IMMP2L: variants seen among roughly 807,000 people sequenced by gnomAD.
IMMP2L encodes mitochondrial inner membrane protease subunit 2.
In IMMP2L, 18 loss-of-function variants were observed where a neutral mutation model predicts 19.3. That is an observed-to-expected ratio of 0.93 (90% CI 0.64 to 1.38). IMMP2L has a LOEUF of 1.38. Among genes scored for constraint, IMMP2L ranks in the 40% most tolerant of loss-of-function variants. IMMP2L has a pLI of 0.00. For missense variants in IMMP2L, 233 were observed against 218.2 expected (o/e 1.07, Z -0.43); for synonymous variants, 76 against 73.0 (o/e 1.04, Z -0.21).
intron 4 of IMMP2L, among the ~76,000 whole-genome samples, chr7:110,947,100 C>T (rs967378338): frequency 6.6e-6 from 1 of 152,118 alleles, no homozygotes; most frequent in Non-Finnish European, 1.5e-5. Flanking sequence ...ATAAAATATT[C>T]ATTCTTTTAG....
At chr7:111,120,508 G>A (rs1023106457) in intron 3 of IMMP2L, among the ~76,000 whole-genome samples, 5 of 152,074 alleles carry the variant, frequency 3.3e-5, no homozygotes, top group Admixed American at 1.3e-4. Flanking sequence ...GGGAATTATC[G>A]GAGCTACAAT....
intron 4 of IMMP2L, among the ~76,000 whole-genome samples, chr7:110,933,096 T>A (rs575109536): frequency 6.6e-6 from 1 of 152,286 alleles, no homozygotes; most frequent in African/African-American, 2.4e-5. Flanking sequence ...TCATGTACAG[T>A]TAAGTATTCA....
At chr7:110,941,284 C>T (rs564422362) in intron 4 of IMMP2L, among the ~76,000 whole-genome samples, 1 of 152,238 alleles carries the variant, frequency 6.6e-6, no homozygotes, top group South Asian at 2.1e-4. Flanking sequence ...AAGTAACATG[C>T]CATATAACTT....
At chr7:111,453,602 A>G (rs1385003166) in intron 3 of IMMP2L, among the ~76,000 whole-genome samples, 1 of 152,206 alleles carries the variant, frequency 6.6e-6, no homozygotes, top group Non-Finnish European at 1.5e-5. Context: ...ACATGCTACC[A>G]ATAGAAGAGG....
At chr7:111,389,628 T>C (rs1456571343) in intron 3 of IMMP2L, among the ~76,000 whole-genome samples, 2 of 152,004 alleles carry the variant, frequency 1.3e-5, no homozygotes, top group Non-Finnish European at 2.9e-5. Flanking sequence ...AAAGCAACTA[T>C]AATAAAATTT....
intron 3 of IMMP2L, among the ~76,000 whole-genome samples, chr7:111,388,774 C>A (rs1477979399): frequency 6.6e-6 from 1 of 152,004 alleles, no homozygotes; most frequent in South Asian, 2.1e-4. Flanking sequence ...AGACCGGCCC[C>A]CATGATTCAA....
At chr7:111,203,537 GC>G (rs1451834647) in intron 3 of IMMP2L, among the ~76,000 whole-genome samples, 1 of 148,666 alleles carries the variant, frequency 6.7e-6, no homozygotes, top group Non-Finnish European at 1.5e-5. Flanking sequence ...GGAAAGAGTA[GC>G]CTAGGGTAAT....
Position 111,235,651 on chromosome 7 carries a change from T to A in IMMP2L, c.239+251587A>T, listed in dbSNP as rs140799042. Among the ~76,000 whole-genome samples, 467 of 152,166 alleles carry A rather than the reference T, an allele frequency of 3.1e-3. 2 individuals carry two copies. Among genetic ancestry groups the A allele is most frequent in the African/African-American group, 0.011 (443 of 41,528 alleles). The stretch of plus-strand genomic sequence containing the variant: ...TAAGATTTTCTCATTATCACTGGTA[T>A]TAGTTTGATTATAATATGCCTCTGT... On this transcript the variant is annotated intron_variant, in intron 3 of 5. Coordinates refer to ENST00000405709, the MANE Select transcript of IMMP2L (RefSeq NM_032549.4).
At chr7:110,668,104 T>C (rs948580047) in intron 5 of IMMP2L, among the ~76,000 whole-genome samples, 1 of 152,100 alleles carries the variant, frequency 6.6e-6, no homozygotes, top group Non-Finnish European at 1.5e-5. Context: ...ATGAAGTCTG[T>C]GTTTTTTTTT....
chr7:110,915,421 T>C (rs1813495573), intron 4 of IMMP2L, among the ~76,000 whole-genome samples: 1 of 125,790 alleles, frequency 7.9e-6, no homozygotes, highest in East Asian at 2.2e-4. Context: ...GTCAAATTCA[T>C]AGAAGAAGAG....
At chr7:111,462,044 T>C (rs1840183889) in intron 3 of IMMP2L, among the ~76,000 whole-genome samples, 3 of 151,844 alleles carry the variant, frequency 2.0e-5, no homozygotes, top group South Asian at 4.1e-4. Flanking sequence ...AGTATCTTCT[T>C]GGGGAGTTGA....
intron 3 of IMMP2L, among the ~76,000 whole-genome samples, chr7:111,487,000 T>C (rs1842709094): frequency 6.6e-6 from 1 of 152,146 alleles, no homozygotes; most frequent in South Asian, 2.1e-4. Context: ...CTAATCAACA[T>C]TTCATTAAAT....
intron 4 of IMMP2L, among the ~76,000 whole-genome samples, chr7:110,895,312 T>A (rs539750319): frequency 6.6e-6 from 1 of 152,272 alleles, no homozygotes; most frequent in South Asian, 2.1e-4. Flanking sequence ...CAATTCAAGA[T>A]GAGATTTGGG....
chr7:110,984,933 A>T (rs745486132), intron 3 of IMMP2L, among the ~76,000 whole-genome samples: 2 of 152,086 alleles, frequency 1.3e-5, no homozygotes, highest in Non-Finnish European at 2.9e-5. Context: ...AAATACAGAG[A>T]TAATTCAATT....
chr7:111,481,516 A>T (rs182550548), intron 3 of IMMP2L, among the ~76,000 whole-genome samples: 9 of 152,314 alleles, frequency 5.9e-5, no homozygotes, highest in Admixed American at 1.3e-4. Context: ...CTTAATAAGA[A>T]TCAAATAAAA....
At chr7:111,472,749 C>G (rs1200597042) in intron 3 of IMMP2L, among the ~76,000 whole-genome samples, 3 of 152,020 alleles carry the variant, frequency 2.0e-5, no homozygotes, top group African/African-American at 7.2e-5. Context: ...TCTTAATAAG[C>G]TAATAACTGT....
At chr7:111,176,366 C>T (rs936567579) in intron 3 of IMMP2L, among the ~76,000 whole-genome samples, 9 of 151,922 alleles carry the variant, frequency 5.9e-5, no homozygotes, top group Non-Finnish European at 2.9e-5. Flanking sequence ...TTGGAAGCAA[C>T]CTAGATTTCT....
intron 3 of IMMP2L, among the ~76,000 whole-genome samples, chr7:111,111,990 C>G (rs1218079834): frequency 7.3e-6 from 1 of 136,654 alleles, no homozygotes; most frequent in African/African-American, 2.9e-5. Flanking sequence ...CTCTGTCTCC[C>G]AGGCTGGAGT....
intron 3 of IMMP2L, among the ~76,000 whole-genome samples, chr7:111,000,846 TA>T (rs34284744): frequency 0.64 from 92,457 of 143,928 alleles, 29,951 homozygotes; most frequent in African/African-American, 0.79. Context: ...TCCTCTGTCT[TA>T]AAAAAAAAAA....
Sources: gnomAD v4.1 joint callset for allele counts (sites outside exome capture counted in the v4.1 genomes callset) on GRCh38, gnomAD v4.1.1 for gene constraint, MANE v1.5 for transcripts, NCBI Gene and HGNC (gene_info 2026-07-23, HGNC 2026-07-21) for gene names.